The following DNAH17 variants were observed in gnomAD, a reference collection of about 807,000 sequenced individuals.
The protein encoded by DNAH17 is axonemal beta dynein heavy chain 17.
In DNAH17, 376 loss-of-function variants were observed where a neutral mutation model predicts 485.6. That is an observed-to-expected ratio of 0.77 (90% confidence interval 0.71 to 0.84). DNAH17 has a LOEUF of 0.84. Among genes scored for constraint, DNAH17 ranks in the 40% least tolerant of loss-of-function variants. The pLI is 0.00. For synonymous variants in DNAH17, 3,031 were observed against 2,405.9 expected (o/e 1.26, Z -7.60); for missense variants, 6,370 against 5,839.3 (o/e 1.09, Z -2.96).
chr17:78,465,785 G>GCCGC (rs1445761397), intron 56 of DNAH17, among the ~76,000 whole-genome samples: 1 of 142,806 alleles, frequency 7.0e-6, no homozygotes, highest in African/African-American at 3.0e-5. Flanking sequence ...CGCCAGGCCA[G>GCCGC]CCGCCCCGTC....
chr17:78,508,518 T>C (rs1295413649), intron 27 of DNAH17, among the ~76,000 whole-genome samples: 1 of 152,226 alleles, frequency 6.6e-6, no homozygotes, highest in African/African-American at 2.4e-5. Flanking sequence ...TTTGCATACT[T>C]TTCTCCTCTT....
intron 25 of DNAH17, chr17:78,522,631 C>T (rs2090962188): frequency 8.2e-6 from 2 of 244,164 alleles, no homozygotes; most frequent in South Asian, 9.4e-5. Context: ...CCATGAGTGC[C>T]CAGGCCAGAG....
chr17:78,473,784 A>G (rs1181065397), intron 54 of DNAH17, among the ~76,000 whole-genome samples: 1 of 152,126 alleles, frequency 6.6e-6, no homozygotes, highest in Non-Finnish European at 1.5e-5. Context: ...ACGTAAACCA[A>G]CGTGATTTAG....
In DNAH17 at chr17:78,566,625, A is replaced by T. The variant is rs1400518518; in HGVS notation, c.1558T>A (p.Ser520Thr). 6.2e-7 allele frequency: 1 copy of T among 1,606,626 alleles called. No individual in the cohort carries two copies. The highest frequency in any genetic ancestry group is 1.7e-5 in the Admixed American group (1 of 59,088). Residue 520 changes from serine to threonine, a missense_variant, in exon 11 of 81, where the codon TCC becomes ACC. Ser to Thr is a moderately conservative substitution (Grantham distance 58, BLOSUM62 1). Coordinates refer to ENST00000389840, the MANE Select transcript of DNAH17 (RefSeq NM_173628.4). Reference protein sequence around the residue: ...QGFDDCSCIKSSAKLLYMCGG... With the variant: ...QGFDDCSCIKTSAKLLYMCGG... ...CACTGCATGCTTACCTTTGCGGAGG[A>T]CTTGATACAGCTGCAGTCATCAAAT...
At chr17:78,521,316 G>C (rs2090927688) in intron 25 of DNAH17, among the ~76,000 whole-genome samples, 1 of 152,258 alleles carries the variant, frequency 6.6e-6, no homozygotes, top group East Asian at 1.9e-4. Context: ...TGAGGCAGGA[G>C]AATCGCTTGA....
chr17:78,473,603 G>A (rs1298005525), intron 54 of DNAH17, among the ~76,000 whole-genome samples: 1 of 151,304 alleles, frequency 6.6e-6, no homozygotes, highest in East Asian at 1.9e-4. Context: ...TGTGATGGGT[G>A]CAGGGACAGT....
At chr17:78,535,232 A>G (rs1025179884) in intron 19 of DNAH17, among the ~76,000 whole-genome samples, 1 of 152,210 alleles carries the variant, frequency 6.6e-6, no homozygotes, top group African/African-American at 2.4e-5. Context: ...CACCCGGGAC[A>G]CACTGATTCT....
At chr17:78,549,658 G>A (rs571700537) in intron 16 of DNAH17, among the ~76,000 whole-genome samples, 6 of 152,326 alleles carry the variant, frequency 3.9e-5, no homozygotes, top group African/African-American at 1.2e-4. Context: ...GTTTATGTAA[G>A]ACAGTGGGTC....
At chr17:78,461,519 G>A (rs887400246) in intron 58 of DNAH17, 25 bp downstream of exon 58, 44 of 1,535,920 alleles carry the variant, frequency 2.9e-5, no homozygotes, top group African/African-American at 8.2e-5. Context: ...CCTTCCTGAA[G>A]GCACGCTGGG....
At chr17:78,556,006 C>G (rs1233309306) in intron 14 of DNAH17, among the ~76,000 whole-genome samples, 1 of 152,214 alleles carries the variant, frequency 6.6e-6, no homozygotes, top group Non-Finnish European at 1.5e-5. Flanking sequence ...TTGCAGACAG[C>G]AGGCTGTAAG....
Position 78,449,564 on chromosome 17 carries a change from C to T in DNAH17, c.11061G>A (p.Glu3687=). The T allele has an allele frequency of 6.2e-7, 1 of 1,606,940 alleles. No individual in the cohort carries two copies. Among genetic ancestry groups the T allele is most frequent in the Non-Finnish European group, 8.5e-7 (1 of 1,176,600 alleles). The change falls in exon 69 of 81, where the codon GAG becomes GAA. Residue 3687 remains glutamate, a synonymous_variant. Transcript: ENST00000389840. The part of the protein sequence containing the change: ...FSLKAFNVVF[E]KAIQRTTPAN... Reference sequence around the variant, plus strand: ...CAGGGGTGGTCCTCTGGATGGCTTTCTCAAACACCACGTTGAAGGCCTGGG... The same window carrying T: ...CAGGGGTGGTCCTCTGGATGGCTTTTTCAAACACCACGTTGAAGGCCTGGG...
rs111653680 is a variant in DNAH17 at position 78,537,173 on chromosome 17, G to A, written c.2859+126C>T. ...AGCCTGGGCGACAGAGTGAGATTCC[G>A]TCTCAAAAAAAAAAAAAGAAAAAAA... On this transcript the variant is annotated intron_variant, in intron 19 of 80. Transcript: ENST00000389840. The A allele has an allele frequency of 4.4e-5, 44 of 992,456 alleles. 1 individual carries two copies. Among genetic ancestry groups the A allele is most frequent in the African/African-American group, 1.4e-4 (6 of 43,802 alleles). 61.5% of individuals were successfully genotyped at this position (992,456 alleles called of 1,614,324 possible).
chr17:78,480,328 GAC>G lies in DNAH17; in HGVS notation c.7752+354_7752+355del, dbSNP rs1206547714. The stretch of plus-strand genomic sequence containing the variant: ...CACACCATTGCACTCCAGCCTGGGT[GAC>G]AGAGTGAGACTCAGCCTCAAAACAA... On this transcript the variant is annotated intron_variant, in intron 49 of 80. Transcript: ENST00000389840. Among the ~76,000 whole-genome samples the G allele has an allele frequency of 5.3e-5, 8 of 152,040 alleles. No individual in the cohort carries two copies. In the East Asian group the frequency reaches 1.2e-3, roughly 22 times the overall value.
Position 78,458,449 on chromosome 17 carries a change from G to A in DNAH17, c.9977+116C>T, listed in dbSNP as rs1598482793. The A allele has an allele frequency of 3.6e-6, 3 of 826,536 alleles. No individual in the cohort carries two copies. In the South Asian group the frequency reaches 4.6e-5, roughly 13 times the overall value. 51.2% of individuals were successfully genotyped at this position (826,536 alleles called of 1,614,324 possible). ...TACTTTGAGCTCAAGAAGTGAAAGT[G>A]GCAACCTGGCTGCTTCCACCTGGGC... On this transcript the variant is annotated intron_variant, in intron 62 of 80. Coordinates refer to ENST00000389840, the MANE Select transcript of DNAH17 (RefSeq NM_173628.4).
chr17:78,461,589 C>A lies in DNAH17; in HGVS notation c.9294G>T (p.Lys3098Asn). 1 of 1,605,750 alleles carries A rather than the reference C, an allele frequency of 6.2e-7. No homozygotes were observed. Among genetic ancestry groups the A allele is most frequent in the Non-Finnish European group, 8.5e-7 (1 of 1,176,846 alleles). Reference sequence around the variant, plus strand: ...TGACTTCTTCCTGGTCAGCAATGGCCTTCTCTTTGCTGACCTTCTCGGCCT... The same window carrying A: ...TGACTTCTTCCTGGTCAGCAATGGCATTCTCTTTGCTGACCTTCTCGGCCT... Reference protein sequence around the residue: ...GIEAEKVSKEKAIADQEEVKV... With the variant: ...GIEAEKVSKENAIADQEEVKV... Residue 3098 changes from lysine to asparagine, a missense_variant, in exon 58 of 81, where the codon AAG (lysine) becomes AAT (asparagine). Physicochemically the swap from Lys to Asn is moderately conservative, Grantham distance 94 (BLOSUM62 0). Coordinates refer to ENST00000389840, the MANE Select transcript of DNAH17 (RefSeq NM_173628.4).
chr17:78,517,144 G>A (rs2090809382), intron 25 of DNAH17, among the ~76,000 whole-genome samples: 1 of 152,186 alleles, frequency 6.6e-6, no homozygotes, highest in African/African-American at 2.4e-5. Flanking sequence ...CTGGGTTCAA[G>A]TGATCCTCCT....
chr17:78,454,561 G>T lies in DNAH17; in HGVS notation c.10315C>A (p.Pro3439Thr), dbSNP rs1202477215. The T allele has an allele frequency of 1.2e-6, 2 of 1,613,198 alleles. No homozygotes were observed. The highest frequency in any genetic ancestry group is 2.2e-5 in the East Asian group (1 of 44,844). Residue 3439 changes from proline (P) to threonine (T), a missense_variant, in exon 64 of 81, where the codon CCG becomes ACG. Transcript: ENST00000389840. ...ATILGNTERW[P>T]LIVDAQLQGI... Reference sequence around the variant, plus strand: ...TGGAGCTGGGCGTCCACGATCAGCGGCCACCGCTCGGTGTTGCCCAGGATG... The same window carrying T: ...TGGAGCTGGGCGTCCACGATCAGCGTCCACCGCTCGGTGTTGCCCAGGATG...
chr17:78,540,447 A>G (rs575914663), intron 17 of DNAH17, among the ~76,000 whole-genome samples: 5 of 6,314 alleles, frequency 7.9e-4, no homozygotes, highest in Admixed American at 1.6e-3. Flanking sequence ...GGATGGATGG[A>G]TGGGTGGGTG....
At chr17:78,536,118 C>G (rs1430968429) in intron 19 of DNAH17, among the ~76,000 whole-genome samples, 2 of 152,104 alleles carry the variant, frequency 1.3e-5, no homozygotes, top group East Asian at 3.9e-4. Flanking sequence ...GTCAAATTGC[C>G]TGAGTACTGG....
Sources: allele counts gnomAD v4.1 joint callset (sites outside exome capture counted in the v4.1 genomes callset), GRCh38; gene constraint gnomAD v4.1.1; transcripts MANE v1.5; gene names NCBI Gene and HGNC (gene_info 2026-07-23, HGNC 2026-07-21).